The following GRB10 variants were observed in gnomAD, a reference collection of about 807,000 sequenced individuals.
GRB10 encodes growth factor receptor-bound protein 10.
Under a neutral mutation model 80.9 loss-of-function variants are expected in GRB10, and 20 were observed. The ratio of observed to expected loss-of-function variants is 0.25; its 90% CI spans 0.17 to 0.36. The LOEUF is 0.36. Among genes scored for constraint, GRB10 ranks in the 10% least tolerant of loss-of-function variants. The pLI is 1.00. For synonymous variants in GRB10, 291 were observed against 291.5 expected, an observed-to-expected ratio of 1.00 and a Z score of 0.02; for missense variants, 548 against 747.7, an observed-to-expected ratio of 0.73 and a Z score of 3.12.
At chr7:50,689,776 T>G (rs2062570036) in intron 5 of GRB10, among the ~76,000 whole-genome samples, 3 of 151,958 alleles carry the variant, frequency 2.0e-5, no homozygotes. Flanking sequence ...AAATTGCTTC[T>G]GAAGGCAATA....
At chr7:50,631,701 C>T (rs551653530) in intron 7 of GRB10, among the ~76,000 whole-genome samples, 6 of 152,334 alleles carry the variant, frequency 3.9e-5, no homozygotes, top group Admixed American at 2.0e-4. Context: ...AAATCCTGTT[C>T]TGGGTGACCT....
At chr7:50,658,513 C>T (rs1011500122) in intron 7 of GRB10, among the ~76,000 whole-genome samples, 1 of 152,152 alleles carries the variant, frequency 6.6e-6, no homozygotes, top group East Asian at 1.9e-4. Context: ...GCCTTTGAGT[C>T]CACAGGAGCC....
At position 50,728,285 on chromosome 7, in the gene GRB10, T is replaced by C. The variant is rs552702546; in HGVS notation, c.51+3987A>G. On this transcript the variant is annotated intron_variant, in intron 4 of 18. Transcript: ENST00000401949. ...CTTTCACTAAAAATAATAATAATAA[T>C]AACAACAGTGACAGACTTTGGGAAT... is the stretch of plus-strand genomic sequence containing the variant. 2.6e-5 allele frequency among the ~76,000 whole-genome samples: 4 copies of C among 151,520 alleles called. No individual in the cohort carries two copies. The East Asian group carries it at 5.8e-4, about 22-fold the overall frequency.
chr7:50,730,772 T>C (rs1374684712), intron 4 of GRB10, among the ~76,000 whole-genome samples: 1 of 152,132 alleles, frequency 6.6e-6, no homozygotes, highest in Non-Finnish European at 1.5e-5. Flanking sequence ...AGCAGGAAAC[T>C]GGAAATGCCA....
At chr7:50,601,208 A>G (rs1480969086) in intron 17 of GRB10, among the ~76,000 whole-genome samples, 1 of 152,280 alleles carries the variant, frequency 6.6e-6, no homozygotes, top group Admixed American at 6.5e-5. Context: ...ATGAAATGAC[A>G]GAAGGATAAA....
At chr7:50,771,030 C>A (rs1021253619) in intron 2 of GRB10, among the ~76,000 whole-genome samples, 1 of 152,022 alleles carries the variant, frequency 6.6e-6, no homozygotes, top group African/African-American at 2.4e-5. Context: ...CTTCAATGTG[C>A]CCTGTGGAAC....
At chr7:50,735,791 T>C (rs1335608555) in intron 3 of GRB10, among the ~76,000 whole-genome samples, 4 of 152,152 alleles carry the variant, frequency 2.6e-5, no homozygotes, top group Non-Finnish European at 5.9e-5. Context: ...GTTTTCTCTT[T>C]TGAAAAAGAC....
rs1362981543 is a variant in GRB10 at position 50,592,664 on chromosome 7, G to A, written c.*288C>T. 7 of 474,012 alleles carry A rather than the reference G, an allele frequency of 1.5e-5. No homozygotes were observed. Among genetic ancestry groups the A allele is most frequent in the Non-Finnish European group, 7.7e-6 (2 of 258,478 alleles). The allele number at this position is 474,012 out of a possible 1,614,324, so 29.4% of individuals were successfully genotyped here. A position where few individuals can be genotyped will look rare whatever the true frequency, so the allele number is the denominator to read the frequency against. ...TTCTCTCCGGTTCTTGTTCCTAAGC[G>A]GCCCAAGCCAAGATGATCATTCCAG... On this transcript the variant is annotated 3_prime_UTR_variant, in exon 19 of 19. Transcript: ENST00000401949.
At chr7:50,615,682 A>C (rs1227632452) in intron 11 of GRB10, among the ~76,000 whole-genome samples, 1 of 152,212 alleles carries the variant, frequency 6.6e-6, no homozygotes, top group Non-Finnish European at 1.5e-5. Context: ...TGGACAGCAC[A>C]AGAAGAGAGC....
chr7:50,659,035 A>T (rs897807873), intron 7 of GRB10, among the ~76,000 whole-genome samples: 1 of 152,232 alleles, frequency 6.6e-6, no homozygotes, highest in African/African-American at 2.4e-5. Context: ...ATCATGGGCA[A>T]TTTAGCACCC....
chr7:50,675,827 TG>T (rs1391168614), intron 5 of GRB10, among the ~76,000 whole-genome samples: 4 of 144,434 alleles, frequency 2.8e-5, no homozygotes, highest in Non-Finnish European at 6.1e-5. Context: ...GGGGTTGGGG[TG>T]GGACGGGGAA....
chr7:50,597,692 G>T (rs1243244602), intron 17 of GRB10, among the ~76,000 whole-genome samples: 1 of 152,244 alleles, frequency 6.6e-6, no homozygotes, highest in African/African-American at 2.4e-5. Flanking sequence ...CTGCTGGAAG[G>T]CTTGAGCTTT....
chr7:50,749,672 T>C (rs1187094109), intron 3 of GRB10, among the ~76,000 whole-genome samples: 3 of 152,206 alleles, frequency 2.0e-5, no homozygotes, highest in African/African-American at 7.2e-5. Flanking sequence ...AATCATCTTC[T>C]AATGCAATCA....
At chr7:50,737,998 C>CCAAAACG (rs1404082733) in intron 3 of GRB10, among the ~76,000 whole-genome samples, 1 of 152,126 alleles carries the variant, frequency 6.6e-6, no homozygotes, top group African/African-American at 2.4e-5. Flanking sequence ...ATACGAATGG[C>CCAAAACG]CAAAACGCAC....
chr7:50,687,611 G>A (rs1221697067), intron 5 of GRB10, among the ~76,000 whole-genome samples: 2 of 152,178 alleles, frequency 1.3e-5, no homozygotes, highest in African/African-American at 4.8e-5. Flanking sequence ...CTGCCGTAGG[G>A]AAGACACCAT....
intron 7 of GRB10, among the ~76,000 whole-genome samples, chr7:50,667,210 A>G (rs2059908447): frequency 6.6e-6 from 1 of 152,150 alleles, no homozygotes; most frequent in Admixed American, 6.5e-5. Flanking sequence ...TGAATCTGCT[A>G]TTTAATAGTG....
intron 4 of GRB10, among the ~76,000 whole-genome samples, chr7:50,716,809 G>A (rs2066945769): frequency 6.6e-6 from 1 of 152,182 alleles, no homozygotes; most frequent in Non-Finnish European, 1.5e-5. Flanking sequence ...GGTCTGGAGA[G>A]GTCTAGGGTA....
intron 13 of GRB10, among the ~76,000 whole-genome samples, chr7:50,611,475 T>A (rs1307333836): frequency 6.6e-6 from 1 of 152,214 alleles, no homozygotes; most frequent in African/African-American, 2.4e-5. Context: ...TTTGTAAAGT[T>A]TTGATTTCCA....
intron 5 of GRB10, among the ~76,000 whole-genome samples, chr7:50,687,582 C>A (rs1000503309): frequency 1.3e-5 from 2 of 152,226 alleles, no homozygotes; most frequent in Admixed American, 1.3e-4. Flanking sequence ...CTGGGTGCAG[C>A]TCCATGCATC....
Sources: gnomAD v4.1 joint callset for allele counts (sites outside exome capture counted in the v4.1 genomes callset) on GRCh38, gnomAD v4.1.1 for gene constraint, MANE v1.5 for transcripts, NCBI Gene and HGNC (gene_info 2026-07-23, HGNC 2026-07-21) for gene names.